GLDN: variants seen among roughly 807,000 people sequenced by gnomAD.
GLDN encodes the protein gliomedin.
A neutral mutation model predicts 56.5 loss-of-function variants in GLDN; 47 were observed. The observed-to-expected ratio is 0.83, with a 90% confidence interval of 0.66 to 1.06. The LOEUF is 1.06. Ranked by LOEUF, GLDN falls within the 50% of genes least tolerant of loss-of-function variation. The probability of loss-of-function intolerance (pLI) is 0.00; values close to 1 mark genes in which losing one functional copy is unlikely to be tolerated. For synonymous variants in GLDN, 332 were observed against 278.8 expected, an observed-to-expected ratio of 1.19 and a Z score of -1.90; for missense variants, 782 against 714.3, an observed-to-expected ratio of 1.09 and a Z score of -1.08.
intron 4 of GLDN, among the ~76,000 whole-genome samples, chr15:51,386,496 G>A (rs1210198245): frequency 6.6e-6 from 1 of 152,190 alleles, no homozygotes; most frequent in Admixed American, 6.5e-5. Flanking sequence ...AGGGACCAGA[G>A]GCAGCAGGGC....
chr15:51,355,995 CAG>C (rs888735871), intron 1 of GLDN, among the ~76,000 whole-genome samples: 1 of 149,946 alleles, frequency 6.7e-6, no homozygotes, highest in African/African-American at 2.4e-5. Flanking sequence ...ATCACGAGGT[CAG>C]AAGATCGAGA....
intron 1 of GLDN, among the ~76,000 whole-genome samples, chr15:51,352,788 T>TTAACCTCCAAG (rs775254966): frequency 1.3e-5 from 2 of 152,216 alleles, no homozygotes; most frequent in African/African-American, 2.4e-5. Flanking sequence ...CATCTTGCTT[T>TTAACCTCCAAG]TAACCTCCAA....
chr15:51,364,204 C>T (rs563220896), intron 1 of GLDN, among the ~76,000 whole-genome samples: 9 of 152,288 alleles, frequency 5.9e-5, no homozygotes, highest in East Asian at 3.9e-4. Context: ...TCTAATTACA[C>T]GGGTATTGGG....
intron 1 of GLDN, among the ~76,000 whole-genome samples, chr15:51,359,382 G>T (rs1301185017): frequency 6.6e-6 from 1 of 152,236 alleles, no homozygotes; most frequent in African/African-American, 2.4e-5. Flanking sequence ...CCACAGCTAA[G>T]GCTGCAGGAT....
intron 6 of GLDN, among the ~76,000 whole-genome samples, 163 bp from the exon 7 acceptor site, chr15:51,400,029 G>C (rs1170945475): frequency 6.6e-6 from 1 of 152,194 alleles, no homozygotes; most frequent in Non-Finnish European, 1.5e-5. Flanking sequence ...CTATGATTTG[G>C]AGTTGCTTGA....
Position 51,354,198 on chromosome 15 carries a change from T to C in GLDN, c.363+12151T>C, listed in dbSNP as rs574949068. On this transcript the variant is annotated intron_variant, in intron 1 of 9. Transcript: ENST00000335449. Reference sequence around the variant, plus strand: ...TGTGCTTGCCAAAGTGCTGGGAAACTTGGAGGTCCTGCCTAGGCTCTATAT... The same window carrying C: ...TGTGCTTGCCAAAGTGCTGGGAAACCTGGAGGTCCTGCCTAGGCTCTATAT... 2.0e-5 allele frequency among the ~76,000 whole-genome samples: 3 copies of C among 152,328 alleles called. 1 individual carries two copies. The highest frequency in any genetic ancestry group is 2.0e-4 in the Admixed American group (3 of 15,298).
chr15:51,350,292 A>G (rs17704365), intron 1 of GLDN, among the ~76,000 whole-genome samples: 5,998 of 152,242 alleles, frequency 0.039, 130 homozygotes, highest in East Asian at 0.074. Context: ...TTCAAACTCT[A>G]TCTGTTCTCT....
chr15:51,383,381 C>G (rs2037809459), intron 2 of GLDN, 55 bp from the exon 3 acceptor site: 2 of 1,601,198 alleles, frequency 1.2e-6, no homozygotes, highest in Admixed American at 1.7e-5. Context: ...CGGGGGTGCT[C>G]TTTGTTTTCT....
At chr15:51,412,176 A>C (rs566232950), downstream of GLDN, among the ~76,000 whole-genome samples, 6 of 152,316 alleles carry the variant, frequency 3.9e-5, no homozygotes, top group Admixed American at 2.6e-4. Flanking sequence ...AAAAATTAAG[A>C]AGCTCACCCA....
In GLDN at chr15:51,407,053, G is replaced by A. The variant is rs1479586297; in HGVS notation, c.*2299G>A. The A allele has an allele frequency of 1.3e-5, 2 of 152,102 alleles. No individual in the cohort carries two copies. Among genetic ancestry groups the A allele is most frequent in the African/African-American group, 2.4e-5 (1 of 41,432 alleles). 9.4% of individuals were successfully genotyped at this position (152,102 alleles called of 1,614,324 possible). A position where few individuals can be genotyped will look rare whatever the true frequency, so the allele number is the denominator to read the frequency against. On this transcript the variant is annotated 3_prime_UTR_variant, in exon 10 of 10. Transcript: ENST00000335449. ...TAGCACATATTCCTTTTAGAAAAAT[G>A]TTTCAGAAACCTCAGTCTTGATATC...
At chr15:51,395,370 C>T (rs1462867982) in intron 5 of GLDN, among the ~76,000 whole-genome samples, 2 of 152,204 alleles carry the variant, frequency 1.3e-5, no homozygotes, top group Non-Finnish European at 2.9e-5. Context: ...TTGAGCCATC[C>T]TCAGACCCTG....
Position 51,375,785 on chromosome 15 carries a change from T to C in GLDN, c.364-1664T>C, listed in dbSNP as rs534537882. Among the ~76,000 whole-genome samples the C allele has an allele frequency of 1.5e-4, 23 of 152,288 alleles. No individual in the cohort carries two copies. The South Asian group carries it at 4.4e-3, about 29-fold the overall frequency. On this transcript the variant is annotated intron_variant, in intron 1 of 9. Coordinates refer to ENST00000335449, the MANE Select transcript of GLDN (RefSeq NM_181789.4). ...CATTCCTCAAGGCCAGGTGCTTATA[T>C]TATTCAGAGGAGGAGATCAGAGTTC... is the stretch of plus-strand genomic sequence containing the variant.
intron 2 of GLDN, 43 bp from the exon 3 acceptor site, chr15:51,383,393 G>C (rs1358444717): frequency 6.2e-7 from 1 of 1,611,068 alleles, no homozygotes; most frequent in South Asian, 1.1e-5. Context: ...TTGTTTTCTG[G>C]GTTCGGTGCT....
At chr15:51,384,744 G>A (rs2037851111) in intron 4 of GLDN, 1 of 152,344 alleles carries the variant, frequency 6.6e-6, no homozygotes, top group Non-Finnish European at 1.5e-5. Context: ...CTCCTACGAA[G>A]GCCTGGCTCT....
At chr15:51,388,735 A>G (rs192112123) in intron 4 of GLDN, among the ~76,000 whole-genome samples, 38 of 152,312 alleles carry the variant, frequency 2.5e-4, no homozygotes, top group African/African-American at 9.1e-4. Flanking sequence ...CCACAGTGAC[A>G]CTCAATTTGC....
chr15:51,374,588 T>A (rs1006253333), intron 1 of GLDN, among the ~76,000 whole-genome samples: 1 of 152,152 alleles, frequency 6.6e-6, no homozygotes, highest in South Asian at 2.1e-4. Flanking sequence ...AATGGATAAG[T>A]GTACTCCAAC....
At chr15:51,378,807 G>A (rs1230406178) in intron 2 of GLDN, among the ~76,000 whole-genome samples, 3 of 152,208 alleles carry the variant, frequency 2.0e-5, no homozygotes, top group Non-Finnish European at 4.4e-5. Flanking sequence ...CTTTGGGATA[G>A]ACCACGAGGC....
chr15:51,398,876 G>T (rs2038190699), intron 6 of GLDN, among the ~76,000 whole-genome samples: 1 of 152,170 alleles, frequency 6.6e-6, no homozygotes, highest in Non-Finnish European at 1.5e-5. Flanking sequence ...TTTGCCACAG[G>T]CTCTGCCAGC....
chr15:51,390,771 G>A (rs915645071), intron 4 of GLDN, among the ~76,000 whole-genome samples: 3 of 152,026 alleles, frequency 2.0e-5, no homozygotes, highest in Non-Finnish European at 4.4e-5. Flanking sequence ...TTGAGTGGGC[G>A]ACACCAGAGA....
Sources: allele counts gnomAD v4.1 joint callset (sites outside exome capture counted in the v4.1 genomes callset), GRCh38; gene constraint gnomAD v4.1.1; transcripts MANE v1.5; gene names NCBI Gene and HGNC (gene_info 2026-07-23, HGNC 2026-07-21).